Variants in HPSE2 observed in about 807,000 individuals in gnomAD.
The protein encoded by HPSE2 is inactive heparanase-2.
Under a neutral mutation model 60.5 loss-of-function variants are expected in HPSE2, and 38 were observed. The ratio of observed to expected loss-of-function variants is 0.63; its 90% CI spans 0.48 to 0.82. The LOEUF (loss-of-function observed/expected upper bound fraction) is 0.82, where lower values mean the gene tolerates loss of function less well. HPSE2 is among the 40% of genes least tolerant of loss of function. The pLI, the probability that HPSE2 is intolerant of heterozygous loss-of-function variation, is 0.00. For missense variants in HPSE2, 713 were observed against 740.4 expected (o/e 0.96, Z 0.43); for synonymous variants, 295 against 293.2 (o/e 1.01, Z -0.06).
Position 98,935,805 on chromosome 10 carries a change from C to T in HPSE2, c.611-191749G>A, listed in dbSNP as rs1037544867. 4.0e-4 allele frequency among the ~76,000 whole-genome samples: 58 copies of T among 145,104 alleles called. 13 individuals carry two copies. The highest frequency in any genetic ancestry group is 1.6e-3 in the African/African-American group (58 of 36,108). On this transcript the variant is annotated intron_variant, in intron 3 of 11. Transcript: ENST00000370552. ...GGAGGCAGTCTGTCCCTTAGCAGAG[C>T]TGGTGTGCTGTGCTGGGGGAAATCC...
intron 7 of HPSE2, among the ~76,000 whole-genome samples, chr10:98,628,197 C>A (rs1435212430): frequency 6.6e-6 from 1 of 152,122 alleles, no homozygotes; most frequent in Non-Finnish European, 1.5e-5. Context: ...AACTCTGTAT[C>A]TTCCATGAGC....
chr10:98,551,013 C>T (rs1943849049), intron 9 of HPSE2, among the ~76,000 whole-genome samples: 1 of 151,966 alleles, frequency 6.6e-6, no homozygotes, highest in Non-Finnish European at 1.5e-5. Context: ...AATACAAAGG[C>T]ATCAAACAGT....
chr10:98,886,540 AAGAGTGCCAT>A (rs1359483980), intron 3 of HPSE2, among the ~76,000 whole-genome samples: 2 of 152,116 alleles, frequency 1.3e-5, no homozygotes, highest in African/African-American at 4.8e-5. Context: ...GTAGTAAGGA[AAGAGTGCCAT>A]AGAGAAGGCT....
intron 2 of HPSE2, among the ~76,000 whole-genome samples, chr10:99,187,982 A>C (rs958221533): frequency 2.6e-5 from 4 of 152,194 alleles, no homozygotes; most frequent in Non-Finnish European, 5.9e-5. Context: ...AAACAACCTA[A>C]ATTTCCATCA....
chr10:98,752,418 T>G (rs1411014373), intron 3 of HPSE2, among the ~76,000 whole-genome samples: 2 of 152,292 alleles, frequency 1.3e-5, no homozygotes, highest in South Asian at 4.1e-4. Context: ...TTAGACTATA[T>G]AGCAGAAAAT....
Position 98,602,133 on chromosome 10 carries a change from A to G in HPSE2, c.1320+12771T>C, listed in dbSNP as rs769131151. On this transcript the variant is annotated intron_variant, in intron 9 of 11. Transcript: ENST00000370552. ...AGGAGTAAGGGTTCCCCAGTGTCCT[A>G]TTTTTAATGAACAAAAGTAGAACTA... 2.0e-5 allele frequency among the ~76,000 whole-genome samples: 3 copies of G among 152,282 alleles called. No homozygotes were observed. In the East Asian group the frequency reaches 5.8e-4, roughly 29 times the overall value.
intron 3 of HPSE2, among the ~76,000 whole-genome samples, chr10:98,842,541 T>TAAAAA (rs200946689): frequency 7.4e-6 from 1 of 135,358 alleles, no homozygotes; most frequent in Non-Finnish European, 1.6e-5. Context: ...TAAGTGTCTT[T>TAAAAA]AAAAAAAAAA....
At chr10:98,996,250 T>C (rs1243879618) in intron 3 of HPSE2, among the ~76,000 whole-genome samples, 1 of 152,164 alleles carries the variant, frequency 6.6e-6, no homozygotes, top group Non-Finnish European at 1.5e-5. Context: ...TATGGGAACT[T>C]GCAACTCTTC....
chr10:98,545,640 T>C lies in HPSE2; in HGVS notation c.1321-55444A>G, dbSNP rs556925324. 3.3e-5 allele frequency among the ~76,000 whole-genome samples: 5 copies of C among 152,292 alleles called. No individual in the cohort carries two copies. In the East Asian group the frequency reaches 9.6e-4, roughly 29 times the overall value. Reference sequence around the variant, plus strand: ...TAAAAACGCTCAATAAATTAGGTATTGATGGGACGTATCTCAAAAAATAAG... The same window carrying C: ...TAAAAACGCTCAATAAATTAGGTATCGATGGGACGTATCTCAAAAAATAAG... On this transcript the variant is annotated intron_variant, in intron 9 of 11. Coordinates refer to ENST00000370552, the MANE Select transcript of HPSE2 (RefSeq NM_021828.5).
At chr10:98,545,954 G>A (rs1204443475) in intron 9 of HPSE2, among the ~76,000 whole-genome samples, 10 of 145,210 alleles carry the variant, frequency 6.9e-5, no homozygotes, top group East Asian at 2.1e-4. Flanking sequence ...CTTCAGCAAA[G>A]TCTCAGGATA....
intron 3 of HPSE2, among the ~76,000 whole-genome samples, chr10:98,848,570 C>A (rs1440007820): frequency 6.6e-6 from 1 of 152,140 alleles, no homozygotes; most frequent in Non-Finnish European, 1.5e-5. Context: ...TATTGCTACA[C>A]CAAAACAGAT....
chr10:98,647,572 C>T (rs149617569), intron 6 of HPSE2, among the ~76,000 whole-genome samples: 1,590 of 152,244 alleles, frequency 0.01, 15 homozygotes, highest in Admixed American at 0.022. Context: ...GGGGGAGAAG[C>T]TTGGATAATC....
chr10:98,659,333 C>T (rs1187560954), intron 6 of HPSE2, among the ~76,000 whole-genome samples: 1 of 152,024 alleles, frequency 6.6e-6, no homozygotes. Context: ...ATTTTCCATC[C>T]ACATTTGGTT....
chr10:98,985,901 T>C (rs1219092051), intron 3 of HPSE2, among the ~76,000 whole-genome samples: 2 of 152,084 alleles, frequency 1.3e-5, no homozygotes, highest in African/African-American at 4.8e-5. Context: ...AAGAAGGCCA[T>C]TACATAATGG....
chr10:99,096,981 G>T (rs1843739859), intron 3 of HPSE2, among the ~76,000 whole-genome samples: 1 of 152,150 alleles, frequency 6.6e-6, no homozygotes, highest in African/African-American at 2.4e-5. Context: ...ACTAGGTCCT[G>T]ACAAAACTGC....
Position 98,685,409 on chromosome 10 carries a change from C to G in HPSE2, c.1004+8491G>C, listed in dbSNP as rs181096292. ...AATCACTCCAGAAAATTCCCTCATG[C>G]CCTTTCCTTCTCAATTTGTATCCCT... On this transcript the variant is annotated intron_variant, in intron 6 of 11. Transcript: ENST00000370552. 3.3e-5 allele frequency among the ~76,000 whole-genome samples: 5 copies of G among 152,084 alleles called. No individual in the cohort carries two copies. The East Asian group carries it at 9.6e-4, about 29-fold the overall frequency.
chr10:99,093,326 A>C (rs1843583055), intron 3 of HPSE2, among the ~76,000 whole-genome samples: 1 of 151,826 alleles, frequency 6.6e-6, no homozygotes. Flanking sequence ...TTTTTGCATG[A>C]GAATATTTTC....
At chr10:98,695,606 G>T (rs1346589731) in intron 5 of HPSE2, among the ~76,000 whole-genome samples, 4 of 152,184 alleles carry the variant, frequency 2.6e-5, no homozygotes, top group Admixed American at 2.6e-4. Flanking sequence ...ATTGCCTAGA[G>T]AAGTACATCT....
At chr10:99,279,147 T>C in the HPSE2 span, among the ~76,000 whole-genome samples, 1 of 152,150 alleles carries the variant, frequency 6.6e-6, no homozygotes, top group Non-Finnish European at 1.5e-5. Context: ...AGGGTTGCAA[T>C]TGTTGTTCTT....
Sources: gnomAD v4.1 joint callset for allele counts (sites outside exome capture counted in the v4.1 genomes callset) on GRCh38, gnomAD v4.1.1 for gene constraint, MANE v1.5 for transcripts, NCBI Gene and HGNC (gene_info 2026-07-23, HGNC 2026-07-21) for gene names.